Variants in ARHGAP20 observed in about 807,000 individuals in gnomAD.
ARHGAP20 encodes Rho GTPase activating protein 20.
In ARHGAP20, 34 loss-of-function variants were observed where a neutral mutation model predicts 73.7. That is an observed-to-expected ratio of 0.46 (90% CI 0.35 to 0.61). The LOEUF is 0.61. Ranked by LOEUF, ARHGAP20 falls within the 20% of genes least tolerant of loss-of-function variation. ARHGAP20 has a pLI of 0.00. For synonymous variants in ARHGAP20, 523 were observed against 518.2 expected, an observed-to-expected ratio of 1.01 and a Z score of -0.13; for missense variants, 1,314 against 1,420.9, an observed-to-expected ratio of 0.92 and a Z score of 1.21.
At chr11:110,670,009 C>A (rs1949796915) in intron 2 of ARHGAP20, among the ~76,000 whole-genome samples, 1 of 152,052 alleles carries the variant, frequency 6.6e-6, no homozygotes, top group African/African-American at 2.4e-5. Flanking sequence ...ATATAAAATT[C>A]TCAGAAATGC....
intron 2 of ARHGAP20, among the ~76,000 whole-genome samples, chr11:110,643,533 C>T (rs970731244): frequency 1.3e-5 from 2 of 151,998 alleles, no homozygotes; most frequent in African/African-American, 4.8e-5. Flanking sequence ...AACCAAAAGT[C>T]CTTCAGGAGC....
intron 2 of ARHGAP20, among the ~76,000 whole-genome samples, chr11:110,688,901 C>T (rs1473010768): frequency 6.6e-6 from 1 of 151,814 alleles, no homozygotes; most frequent in African/African-American, 2.4e-5. Flanking sequence ...GCTATGTGCT[C>T]GGAAGAAAGT....
At position 110,580,121 on chromosome 11, in the gene ARHGAP20, C is replaced by A. The variant is rs1251269588; in HGVS notation, c.2825G>T (p.Gly942Val). The A allele has an allele frequency of 1.2e-6, 2 of 1,614,054 alleles. No individual in the cohort carries two copies. The highest frequency in any genetic ancestry group is 2.7e-5 in the African/African-American group (2 of 74,998). Residue 942 changes from glycine to valine, a missense_variant, in exon 15 of 15, where the codon GGC (glycine) becomes GTC (valine). Around this residue, in one of 3 missense-constraint regions of ARHGAP20, gnomAD observed 641 missense variants for 636.9 expected, o/e 1.01. Transcript: ENST00000683387. ...RTSYSSLSSPGTSPSGSSVSS... is the reference protein window; with the variant it reads ...RTSYSSLSSPVTSPSGSSVSS... ...TACTGATGAGCCGGATGGGGAAGTG[C>A]CTGGGGAGGATAAGCTGGAATAGCT...
At chr11:110,631,137 G>A (rs1325978333) in intron 2 of ARHGAP20, among the ~76,000 whole-genome samples, 1 of 152,102 alleles carries the variant, frequency 6.6e-6, no homozygotes, top group Non-Finnish European at 1.5e-5. Context: ...ACATCCCCCT[G>A]AATGCTTCAG....
intron 14 of ARHGAP20, among the ~76,000 whole-genome samples, chr11:110,581,727 A>T (rs929496083): frequency 6.6e-6 from 1 of 152,222 alleles, no homozygotes; most frequent in African/African-American, 2.4e-5. Flanking sequence ...AGAGATAAAG[A>T]CAATGATGTT....
intron 4 of ARHGAP20, among the ~76,000 whole-genome samples, chr11:110,619,968 TTCAAAGATTC>T (rs1449769486): frequency 5.3e-5 from 8 of 152,206 alleles, no homozygotes; most frequent in African/African-American, 1.7e-4. Flanking sequence ...TTGGGAGGTT[TTCAAAGATTC>T]TGGCAATTGT....
intron 10 of ARHGAP20, 76 bp downstream of exon 10, chr11:110,591,901 G>T: frequency 2.1e-6 from 3 of 1,455,976 alleles, no homozygotes; most frequent in South Asian, 1.3e-5. Flanking sequence ...TTCCATTTGG[G>T]GACAGATTTA....
chr11:110,670,786 C>A (rs1949812297), intron 2 of ARHGAP20, among the ~76,000 whole-genome samples: 1 of 152,022 alleles, frequency 6.6e-6, no homozygotes, highest in South Asian at 2.1e-4. Flanking sequence ...ACTCCATAAG[C>A]CCACAACCCC....
chr11:110,704,259 GGACTCA>G (rs1591194529), intron 1 of ARHGAP20, among the ~76,000 whole-genome samples: 1 of 152,290 alleles, frequency 6.6e-6, no homozygotes, highest in African/African-American at 2.4e-5. Context: ...GTGTAAATTA[GGACTCA>G]GGTAAATAAG....
At chr11:110,662,450 A>G (rs1949635961) in intron 2 of ARHGAP20, among the ~76,000 whole-genome samples, 2 of 152,100 alleles carry the variant, frequency 1.3e-5, no homozygotes, top group African/African-American at 4.8e-5. Flanking sequence ...ATGGCTATAC[A>G]TTATTATTAG....
rs760330535 is a variant in ARHGAP20, at chr11:110,690,614, C to G, written c.121G>C (p.Ala41Pro). 19 of 1,613,874 alleles carry G rather than the reference C, an allele frequency of 1.2e-5. No individual in the cohort carries two copies. The highest frequency in any genetic ancestry group is 1.5e-5 in the Non-Finnish European group (18 of 1,179,964). Residue 41 changes from alanine (A) to proline (P), a missense_variant, in exon 2 of 15, where the codon GCA (alanine) becomes CCA (proline). Around this residue, in one of 3 missense-constraint regions of ARHGAP20, gnomAD observed 443 missense variants for 466.4 expected, o/e 0.95. Coordinates refer to ENST00000683387, the MANE Select transcript of ARHGAP20 (RefSeq NM_001384657.1). ...SCTKKKMKTL[A>P]ERRRSAPSLI... ...GATGGAGCGCTCCTCCTCCTTTCTG[C>G]TAGTGTTTTCATTTTCTGTTGATGA... is the stretch of plus-strand genomic sequence containing the variant.
In ARHGAP20 at chr11:110,666,560, T is replaced by G. The variant is rs577663902; in HGVS notation, c.188+23987A>C. On this transcript the variant is annotated intron_variant, in intron 2 of 14. Transcript: ENST00000683387. The stretch of plus-strand genomic sequence containing the variant: ...CAATTGATTGTAAACATACCTTGTT[T>G]TATTGTGCTTTACTTTATTGTACTT... Among the ~76,000 whole-genome samples the G allele has an allele frequency of 1.2e-4, 19 of 152,344 alleles. No individual in the cohort carries two copies. In the South Asian group the frequency reaches 1.7e-3, roughly 13 times the overall value.
At chr11:110,627,765 G>A (rs1948776769) in intron 3 of ARHGAP20, among the ~76,000 whole-genome samples, 1 of 152,102 alleles carries the variant, frequency 6.6e-6, no homozygotes, top group South Asian at 2.1e-4. Flanking sequence ...AATTCCATAT[G>A]GGTGCTCAAT....
Position 110,582,362 on chromosome 11 carries a change from C to G in ARHGAP20, c.1679G>C (p.Arg560Thr), listed in dbSNP as rs1221568496. The G allele has an allele frequency of 6.2e-7, 1 of 1,613,884 alleles. No individual in the cohort carries two copies. The highest frequency in any genetic ancestry group is 1.1e-5 in the South Asian group (1 of 91,064). Residue 560 changes from arginine (R) to threonine (T), a missense_variant, in exon 14 of 15, where the codon AGA becomes ACA. Physicochemically the swap from Arg to Thr is moderately conservative, Grantham distance 71. Transcript: ENST00000683387. Reference protein sequence around the residue: ...IFGEEITSLFREVSVRCDTRE... With the variant: ...IFGEEITSLFTEVSVRCDTRE... ...AGTGTCACATCTCACTGAAACCTCT[C>G]TGAAGAGGGAAGTGATTTCTTCTCC...
At chr11:110,619,683 G>A (rs1948584350) in intron 4 of ARHGAP20, among the ~76,000 whole-genome samples, 1 of 102,350 alleles carries the variant, frequency 9.8e-6, no homozygotes, top group African/African-American at 3.3e-5. Flanking sequence ...CAGTGATAGA[G>A]TATATGTAGT....
At chr11:110,649,402 C>G (rs1049572966) in intron 2 of ARHGAP20, among the ~76,000 whole-genome samples, 6 of 151,782 alleles carry the variant, frequency 4.0e-5, no homozygotes, top group Non-Finnish European at 8.8e-5. Context: ...CAGAAATCCT[C>G]TAAATCGATC....
In ARHGAP20 at chr11:110,590,614, AC is replaced by A. The variant is rs1407965498; in HGVS notation, c.1305+33del. 7.6e-6 allele frequency: 12 copies of A among 1,589,088 alleles called. No homozygotes were observed. The South Asian group carries it at 8.1e-5, about 11-fold the overall frequency. ...AAACACCCTCTTTCTCTAGAGCTAC[AC>A]CATGGGGTGGATAAAGGGATGACTC... On this transcript the variant is annotated intron_variant, in intron 11 of 14. Transcript: ENST00000683387.
intron 9 of ARHGAP20, among the ~76,000 whole-genome samples, chr11:110,601,026 A>C (rs1948097490): frequency 6.6e-6 from 1 of 152,240 alleles, no homozygotes; most frequent in South Asian, 2.1e-4. Context: ...AGAAAGCTTT[A>C]TATTTAGTTT....
At position 110,583,636 on chromosome 11, in the gene ARHGAP20, G is replaced by A; in HGVS notation, c.1517C>T (p.Ala506Val). The change falls in exon 13 of 15, where the codon GCA becomes GTA. Residue 506 changes from alanine (A) to valine (V), a missense_variant. Coordinates refer to ENST00000683387, the MANE Select transcript of ARHGAP20 (RefSeq NM_001384657.1). ...AGCGACACACACAGCTAAATTAAAT[G>A]CAGTCATCTGATTGGATGAGGAATG... ...EQHSSSNQMTAFNLAVCVAPS... is the reference protein window; with the variant it reads ...EQHSSSNQMTVFNLAVCVAPS... 6.2e-7 allele frequency: 1 copy of A among 1,613,314 alleles called. No homozygotes were observed. The highest frequency in any genetic ancestry group is 8.5e-7 in the Non-Finnish European group (1 of 1,179,512).
Sources: gnomAD v4.1 joint callset for allele counts (sites outside exome capture counted in the v4.1 genomes callset) on GRCh38, gnomAD v4.1.1 for gene constraint, gnomAD v4.1.1 regional missense constraint, MANE v1.5 for transcripts, NCBI Gene and HGNC (gene_info 2026-07-23, HGNC 2026-07-21) for gene names.